The following IFT52 variants were observed in gnomAD, a reference collection of about 807,000 sequenced individuals.
IFT52 encodes intraflagellar transport 52.
IFT52 carries 44 observed loss-of-function variants against 54.4 expected under a neutral mutation model. The ratio of observed to expected loss-of-function variants is 0.81; its 90% CI spans 0.63 to 1.04. IFT52 has a LOEUF of 1.04. IFT52 is among the 50% of genes least tolerant of loss of function. The pLI is 0.00. For synonymous variants in IFT52, 181 were observed against 185.3 expected, an observed-to-expected ratio of 0.98 and a Z score of 0.19; for missense variants, 452 against 523.6, an observed-to-expected ratio of 0.86 and a Z score of 1.33.
At chr20:43,604,784 A>G (rs6017121) in intron 5 of IFT52, among the ~76,000 whole-genome samples, 177 of 151,904 alleles carry the variant, frequency 1.2e-3, no homozygotes, top group African/African-American at 4.0e-3. Context: ...TTCACATTCA[A>G]TTTATTTTTT....
chr20:43,632,836 C>G (rs1379331490), intron 10 of IFT52, among the ~76,000 whole-genome samples: 1 of 152,102 alleles, frequency 6.6e-6, no homozygotes, highest in African/African-American at 2.4e-5. Flanking sequence ...ACAGGAGTTG[C>G]AAGATTCACT....
intron 10 of IFT52, among the ~76,000 whole-genome samples, chr20:43,634,952 C>T (rs554253950): frequency 2.2e-4 from 33 of 152,038 alleles, no homozygotes; most frequent in Admixed American, 1.8e-3. Context: ...GGGTGGATCA[C>T]GAGGTCAGGA....
chr20:43,618,544 C>T (rs994280464), intron 7 of IFT52, among the ~76,000 whole-genome samples: 2 of 152,028 alleles, frequency 1.3e-5, no homozygotes, highest in African/African-American at 4.8e-5. Flanking sequence ...TACAGTGGCG[C>T]GATCTCAGCT....
chr20:43,604,648 TCTC>T (rs1243271918), intron 5 of IFT52, among the ~76,000 whole-genome samples: 1 of 152,158 alleles, frequency 6.6e-6, no homozygotes, highest in African/African-American at 2.4e-5. Context: ...CCTCGTCTCT[TCTC>T]ATACATTCTT....
chr20:43,621,052 T>C (rs1170500896), intron 9 of IFT52, 127 bp downstream of exon 9: 1 of 679,082 alleles, frequency 1.5e-6, no homozygotes, highest in African/African-American at 1.8e-5. Context: ...AACGAAGGAA[T>C]GATTTGGGGG....
chr20:43,635,133 A>G (rs186424403), intron 10 of IFT52, among the ~76,000 whole-genome samples: 2 of 150,942 alleles, frequency 1.3e-5, no homozygotes, highest in East Asian at 3.9e-4. Context: ...GCGCCACTGC[A>G]CTCCAGACTA....
At chr20:43,594,881 G>A in intron 2 of IFT52, 64 bp downstream of exon 2, 2 of 880,994 alleles carry the variant, frequency 2.3e-6, no homozygotes, top group East Asian at 2.4e-5. Flanking sequence ...AAGCTGAGAA[G>A]TCTTTATTTT....
Position 43,594,723 on chromosome 20 carries a change from A to C in IFT52, c.25A>C (p.Ile9Leu), listed in dbSNP as rs771394377. The C allele has an allele frequency of 6.2e-7, 1 of 1,609,958 alleles. No individual in the cohort carries two copies. The highest frequency in any genetic ancestry group is 8.5e-7 in the Non-Finnish European group (1 of 1,176,192). Reference protein sequence around the residue: MEKELRSTILFNAYKKEIF... With the variant: MEKELRSTLLFNAYKKEIF... ...CATGGAGAAAGAGCTGCGGAGCACC[A>C]TTCTTTTCAATGCCTACAAAAAGGA... Residue 9 changes from isoleucine to leucine, a missense_variant, in exon 2 of 14, where the codon ATT (isoleucine) becomes CTT (leucine). Coordinates refer to ENST00000373030, the MANE Select transcript of IFT52 (RefSeq NM_016004.5).
intron 13 of IFT52, among the ~76,000 whole-genome samples, chr20:43,643,182 CAA>C (rs1198880831): frequency 7.2e-6 from 1 of 139,026 alleles, no homozygotes; most frequent in Non-Finnish European, 1.6e-5. Flanking sequence ...AACAAAAAAA[CAA>C]AACAAAACAA....
At chr20:43,605,252 ATATAG>A (rs1393280054) in intron 6 of IFT52, 179 bp downstream of exon 6, 12 of 1,377,178 alleles carry the variant, frequency 8.7e-6, no homozygotes, top group African/African-American at 1.5e-5. Context: ...GGTAGTCTTA[ATATAG>A]TATTTAGGCC....
chr20:43,592,983 C>T (rs892475597), intron 1 of IFT52, among the ~76,000 whole-genome samples: 1 of 152,114 alleles, frequency 6.6e-6, no homozygotes, highest in Non-Finnish European at 1.5e-5. Context: ...CCTGTAGTCC[C>T]AGCTACCCAT....
chr20:43,642,389 A>T (rs1338565027), intron 12 of IFT52, 90 bp from the exon 13 acceptor site: 1 of 1,186,954 alleles, frequency 8.4e-7, no homozygotes, highest in Non-Finnish European at 1.2e-6. Context: ...ATGTGGAAAC[A>T]TGACAGGGCA....
chr20:43,646,355 G>C (rs1036282939), intron 13 of IFT52, among the ~76,000 whole-genome samples: 1 of 152,162 alleles, frequency 6.6e-6, no homozygotes, highest in African/African-American at 2.4e-5. Flanking sequence ...GCCTCTCCTG[G>C]AAGGAAGCTG....
intron 10 of IFT52, among the ~76,000 whole-genome samples, chr20:43,627,921 A>G (rs56301946): frequency 4.7e-3 from 60 of 12,740 alleles, no homozygotes; most frequent in African/African-American, 0.013. Context: ...AGAGAGAGAG[A>G]GTTTTTTTTT....
intron 13 of IFT52, among the ~76,000 whole-genome samples, chr20:43,642,991 A>G (rs1294644727): frequency 6.6e-6 from 1 of 151,788 alleles, no homozygotes; most frequent in East Asian, 1.9e-4. Context: ...ACATGGTGAA[A>G]CCCCCTCTCC....
At chr20:43,592,089 T>A (rs1981570891) in intron 1 of IFT52, among the ~76,000 whole-genome samples, 1 of 152,188 alleles carries the variant, frequency 6.6e-6, no homozygotes, top group Non-Finnish European at 1.5e-5. Flanking sequence ...GCGAGGTGGC[T>A]CACACCTGTA....
intron 13 of IFT52, among the ~76,000 whole-genome samples, chr20:43,643,038 G>A (rs570513547): frequency 2.0e-4 from 30 of 151,982 alleles, no homozygotes; most frequent in Admixed American, 3.3e-4. Context: ...ATCATGGTGC[G>A]TGCCTGTAAT....
At chr20:43,640,291 CTAAAAA>C (rs1330603030) in intron 12 of IFT52, among the ~76,000 whole-genome samples, 2 of 151,976 alleles carry the variant, frequency 1.3e-5, no homozygotes, top group East Asian at 1.9e-4. Flanking sequence ...CCTGTCTCTA[CTAAAAA>C]TAAAAATAAA....
At chr20:43,629,433 C>T (rs1294560842) in intron 10 of IFT52, among the ~76,000 whole-genome samples, 1 of 152,124 alleles carries the variant, frequency 6.6e-6, no homozygotes, top group East Asian at 1.9e-4. Flanking sequence ...CCACCACATC[C>T]AGCTAATGTT....
Sources: gnomAD v4.1 joint callset for allele counts (sites outside exome capture counted in the v4.1 genomes callset) on GRCh38, gnomAD v4.1.1 for gene constraint, MANE v1.5 for transcripts, NCBI Gene and HGNC (gene_info 2026-07-23, HGNC 2026-07-21) for gene names.